Variants in AP1M1 observed in about 807,000 individuals in gnomAD.
The protein encoded by AP1M1 is AP-1 complex subunit mu-1.
A neutral mutation model predicts 57.1 loss-of-function variants in AP1M1; 18 were observed. The ratio of observed to expected loss-of-function variants is 0.32; its 90% CI spans 0.22 to 0.47. The LOEUF (loss-of-function observed/expected upper bound fraction) is 0.47. Ranked by LOEUF, AP1M1 falls within the 20% of genes least tolerant of loss-of-function variation. The pLI is 1.00. For missense variants in AP1M1, 362 were observed against 593.5 expected (o/e 0.61, Z 4.05); for synonymous variants, 241 against 237.9 (o/e 1.01, Z -0.12).
rs201926045 is a variant in AP1M1, at chr19:16,234,308, A to C, written c.1249+34A>C. ...GGCCCTACCCGTGGGGTGGGGTTGT[A>C]CTGAGGGGTCCTCTGTGGCTGCCCC... On this transcript the variant is annotated intron_variant, in intron 11 of 11. Coordinates refer to ENST00000291439, the MANE Select transcript of AP1M1 (RefSeq NM_032493.4). 6.0e-5 allele frequency: 97 copies of C among 1,613,208 alleles called. No individual in the cohort carries two copies. In the Middle Eastern group the frequency reaches 8.3e-4, roughly 14 times the overall value.
At chr19:16,211,001 A>G (rs1429143063) in intron 5 of AP1M1, among the ~76,000 whole-genome samples, 1 of 151,806 alleles carries the variant, frequency 6.6e-6, no homozygotes, top group East Asian at 1.9e-4. Context: ...TTGAGCCTTG[A>G]TAGTTCTTTG....
Position 16,236,650 on chromosome 19 carries a change from T to C in AP1M1, c.*2215T>C, listed in dbSNP as rs1357215824. On this transcript the variant is annotated 3_prime_UTR_variant, in exon 12 of 12. Transcript: ENST00000291439. The stretch of plus-strand genomic sequence containing the variant: ...TCCACCCCTGAGAATAAGCACTGTG[T>C]CCTCTCTCTGCCTGAGATCCACAGG... 1 of 152,154 alleles carries C rather than the reference T, an allele frequency of 6.6e-6. No individual in the cohort carries two copies. Among genetic ancestry groups the C allele is most frequent in the Admixed American group, 6.5e-5 (1 of 15,272 alleles). 9.4% of individuals were successfully genotyped at this position (152,154 alleles called of 1,614,324 possible).
In AP1M1 at chr19:16,206,419, C is replaced by T. The variant is rs1228878962; in HGVS notation, c.267+11C>T. 6.2e-7 allele frequency: 1 copy of T among 1,613,788 alleles called. No individual in the cohort carries two copies. Among genetic ancestry groups the T allele is most frequent in the African/African-American group, 1.3e-5 (1 of 74,922 alleles). ...TATAAGGTGGTGCAGGTGAGTCTCG[C>T]TCGGAGGGGCCGTGGGCTTGGGTGG... On this transcript the variant is annotated intron_variant, in intron 3 of 11. Coordinates refer to ENST00000291439, the MANE Select transcript of AP1M1 (RefSeq NM_032493.4). The surrounding 1 kb of genome is among the most constrained non-coding windows in gnomAD (Gnocchi z 4.3).
chr19:16,233,589 AT>A lies in AP1M1; in HGVS notation c.1145del (p.Ile382ThrfsTer14). On this transcript the variant is annotated frameshift_variant, in exon 10 of 12. Transcript: ENST00000291439. LOFTEE classifies it high-confidence loss of function. ...GKPPISVKFEIPYFTTSGIQV... is the reference protein window; with the variant it reads ...GKPPISVKFEXPYFTTSGIQV... ...GCCCCCGATCAGTGTCAAGTTCGAG[AT>A]CCCTTACTTCACTACCTCCGGCATC... 6.2e-7 allele frequency: 1 copy of A among 1,611,702 alleles called. No individual in the cohort carries two copies. Among genetic ancestry groups the A allele is most frequent in the East Asian group, 2.2e-5 (1 of 44,814 alleles).
Position 16,243,070 on chromosome 19 carries a change from G to C in AP1M1, c.*8635G>C, listed in dbSNP as rs2091650924. The C allele has an allele frequency of 6.6e-6, 1 of 151,946 alleles. No homozygotes were observed. Among genetic ancestry groups the C allele is most frequent in the East Asian group, 1.9e-4 (1 of 5,162 alleles). The allele number at this position is 151,946 out of a possible 1,614,324, so 9.4% of individuals were successfully genotyped here. A position where few individuals can be genotyped will look rare whatever the true frequency, so the allele number is the denominator to read the frequency against. On this transcript the variant is annotated 3_prime_UTR_variant, in exon 12 of 12. Transcript: ENST00000291439. Reference sequence around the variant, plus strand: ...AGGTGTGAGCCACCACACACGGCCAGAATAGACTTTAAAGCAAGAAAGCAA... The same window carrying C: ...AGGTGTGAGCCACCACACACGGCCACAATAGACTTTAAAGCAAGAAAGCAA...
chr19:16,228,880 G>A lies in AP1M1; in HGVS notation c.999G>A (p.Lys333=), dbSNP rs1012927537. 1.2e-6 allele frequency: 2 copies of A among 1,614,186 alleles called. No individual in the cohort carries two copies. The highest frequency in any genetic ancestry group is 2.2e-5 in the East Asian group (1 of 44,866). Reference sequence around the variant, plus strand: ...TCAAGACGACGGTGGGGAGCGTTAAGTGGGTCCCCGAGAACAGCGAGATCG... The same window carrying A: ...TCAAGACGACGGTGGGGAGCGTTAAATGGGTCCCCGAGAACAGCGAGATCG... The part of the protein sequence containing the change: ...PKFKTTVGSV[K]WVPENSEIVW... The change falls in exon 9 of 12, where the codon AAG becomes AAA. Residue 333 remains lysine (K), a synonymous_variant. Transcript: ENST00000291439. The surrounding 1 kb of genome is among the most constrained non-coding windows in gnomAD (Gnocchi z 5.0).
In AP1M1 at chr19:16,240,134, A is replaced by T. The variant is rs2091639807; in HGVS notation, c.*5699A>T. On this transcript the variant is annotated 3_prime_UTR_variant, in exon 12 of 12. Transcript: ENST00000291439. ...ATGATTTAAAGATGATGTGCATAGG[A>T]TATATGCAAATATTGTGCCATTTTA... is the stretch of plus-strand genomic sequence containing the variant. 6.6e-6 allele frequency: 1 copy of T among 152,154 alleles called. No individual in the cohort carries two copies. Among genetic ancestry groups the T allele is most frequent in the Admixed American group, 6.6e-5 (1 of 15,264 alleles). 9.4% of individuals were successfully genotyped at this position (152,154 alleles called of 1,614,324 possible). A position where few individuals can be genotyped will look rare whatever the true frequency, so the allele number is the denominator to read the frequency against.
rs12976737 is a variant in AP1M1, at chr19:16,239,825, A to G, written c.*5390A>G. Reference sequence around the variant, plus strand: ...CAACTTGGTTGGAGGGTGTTAAAATACAAGTGAGACATAGATGAAGAGAAT... The same window carrying G: ...CAACTTGGTTGGAGGGTGTTAAAATGCAAGTGAGACATAGATGAAGAGAAT... On this transcript the variant is annotated 3_prime_UTR_variant, in exon 12 of 12. Transcript: ENST00000291439. The G allele has an allele frequency of 0.55, 83,140 of 151,542 alleles. 25,776 individuals carry two copies. Among genetic ancestry groups the G allele is most frequent in the Non-Finnish European group, 0.71 (48,120 of 67,744 alleles). The allele number at this position is 151,542 out of a possible 1,614,324, so 9.4% of individuals were successfully genotyped here.
chr19:16,197,980 G>GCCGCCGCCACCGCCCTCGGCCGCTT lies in AP1M1; in HGVS notation c.-23_-22insTCCGCCGCCACCGCCCTCGGCCGCT. 3 of 1,528,388 alleles carry GCCGCCGCCACCGCCCTCGGCCGCTT rather than the reference G, an allele frequency of 2.0e-6. No homozygotes were observed. Among genetic ancestry groups the GCCGCCGCCACCGCCCTCGGCCGCTT allele is most frequent in the African/African-American group, 1.4e-5 (1 of 70,348 alleles). The allele number at this position is 1,528,388 out of a possible 1,614,324, so 94.7% of individuals were successfully genotyped here. A position where few individuals can be genotyped will look rare whatever the true frequency, so the allele number is the denominator to read the frequency against. On this transcript the variant is annotated 5_prime_UTR_variant, in exon 1 of 12. Transcript: ENST00000291439. The stretch of plus-strand genomic sequence containing the variant: ...ACGCCCAGCAGTCCCCACCGTCGCT[G>GCCGCCGCCACCGCCCTCGGCCGCTT]CCGCCGCCACCGCCCTCGGCCGCTG...
In AP1M1 at chr19:16,233,362, C is replaced by A. The variant is rs984072260; in HGVS notation, c.1048-131C>A. ...ACAGGGCCGAGCTTTGGCTCCCCAG[C>A]ACAGGGGCTCATGCTCCCCTCCCTG... is the stretch of plus-strand genomic sequence containing the variant. On this transcript the variant is annotated intron_variant, in intron 9 of 11. Coordinates refer to ENST00000291439, the MANE Select transcript of AP1M1 (RefSeq NM_032493.4). 6.1e-6 allele frequency: 8 copies of A among 1,320,766 alleles called. No homozygotes were observed. The South Asian group carries it at 9.8e-5, about 16-fold the overall frequency. 81.8% of individuals were successfully genotyped at this position (1,320,766 alleles called of 1,614,324 possible).
At chr19:16,222,404 G>C (rs1292773939) in intron 5 of AP1M1, among the ~76,000 whole-genome samples, 1 of 150,994 alleles carries the variant, frequency 6.6e-6, no homozygotes, top group African/African-American at 2.4e-5. Flanking sequence ...GTAGAGATGA[G>C]GGTCTCTCTG....
intron 4 of AP1M1, 130 bp from the exon 5 acceptor site, chr19:16,208,900 C>T: frequency 9.0e-7 from 1 of 1,115,846 alleles, no homozygotes; most frequent in Non-Finnish European, 1.3e-6. Context: ...TGCTGAAATC[C>T]AAGGGCTATT....
At position 16,221,394 on chromosome 19, in the gene AP1M1, G is replaced by T. The variant is rs368576475; in HGVS notation, c.547-5027G>T. Among the ~76,000 whole-genome samples, 17 of 152,374 alleles carry T rather than the reference G, an allele frequency of 1.1e-4. 1 individual carries two copies. In the East Asian group the frequency reaches 3.1e-3, roughly 28 times the overall value. ...AATGGCGAGAGCACACCCGAACAAA[G>T]GAGGAAAGCCGTTTTTATCCCTTAT... On this transcript the variant is annotated intron_variant, in intron 5 of 11. Coordinates refer to ENST00000291439, the MANE Select transcript of AP1M1 (RefSeq NM_032493.4).
intron 9 of AP1M1, among the ~76,000 whole-genome samples, chr19:16,231,522 C>G (rs1409989184): frequency 1.3e-5 from 2 of 151,950 alleles, no homozygotes; most frequent in African/African-American, 4.8e-5. Flanking sequence ...CTCCACCTCC[C>G]GGGTTCAAGC....
chr19:16,226,578 G>A, intron 6 of AP1M1, 31 bp downstream of exon 6: 1 of 1,558,284 alleles, frequency 6.4e-7, no homozygotes, highest in Non-Finnish European at 8.7e-7. Context: ...CCCTGCCCAT[G>A]AGGATGGCCT....
At chr19:16,209,252 C>T in intron 5 of AP1M1, 75 bp downstream of exon 5, 1 of 1,555,318 alleles carries the variant, frequency 6.4e-7, no homozygotes, top group Non-Finnish European at 8.8e-7. Context: ...CATTTTAAAA[C>T]TGGCAAAGCC....
intron 9 of AP1M1, among the ~76,000 whole-genome samples, chr19:16,232,425 T>C (rs551700339): frequency 1.8e-4 from 27 of 152,332 alleles, no homozygotes; most frequent in African/African-American, 6.3e-4. Flanking sequence ...ATTTTCTTTG[T>C]TTGTGTTTTC....
chr19:16,223,148 T>C (rs1367071396), intron 5 of AP1M1, among the ~76,000 whole-genome samples: 2 of 152,300 alleles, frequency 1.3e-5, no homozygotes, highest in East Asian at 3.9e-4. Context: ...AATCTTACTT[T>C]CAGGCCACAA....
intron 5 of AP1M1, among the ~76,000 whole-genome samples, chr19:16,215,206 GGGGGGAGA>G (rs2091513369): frequency 1.5e-4 from 7 of 45,532 alleles, no homozygotes; most frequent in East Asian, 8.2e-4. Context: ...GGGGCGGGGG[GGGGGGAGA>G]GGGGGGAGGG....
Sources: gnomAD v4.1 joint callset for allele counts (sites outside exome capture counted in the v4.1 genomes callset) on GRCh38, gnomAD v4.1.1 for gene constraint, Gnocchi (gnomAD v3.1) non-coding constraint, MANE v1.5 for transcripts, NCBI Gene and HGNC (gene_info 2026-07-23, HGNC 2026-07-21) for gene names.